NTRK3: variants seen among roughly 807,000 people sequenced by gnomAD.
NTRK3 encodes neurotrophic receptor tyrosine kinase 3, also known as NT-3 growth factor receptor.
In NTRK3, 24 loss-of-function variants were observed where a neutral mutation model predicts 91.7. The observed-to-expected ratio is 0.26, with a 90% CI of 0.19 to 0.37. The LOEUF is 0.37. Among genes scored for constraint, NTRK3 ranks in the 10% least tolerant of loss-of-function variants. The pLI, the probability that NTRK3 is intolerant of heterozygous loss-of-function variation, is 1.00. For synonymous variants in NTRK3, 483 were observed against 404.0 expected (o/e 1.20, Z -2.34); for missense variants, 880 against 1,068.9 (o/e 0.82, Z 2.46).
intron 10 of NTRK3, among the ~76,000 whole-genome samples, chr15:88,134,418 T>A (rs1381026479): frequency 6.6e-6 from 1 of 152,248 alleles, no homozygotes; most frequent in Non-Finnish European, 1.5e-5. Context: ...CAATAATTTT[T>A]CCTGGTCCAC....
chr15:88,201,569 G>A (rs959050137), intron 3 of NTRK3, among the ~76,000 whole-genome samples: 1 of 152,196 alleles, frequency 6.6e-6, no homozygotes, highest in Non-Finnish European at 1.5e-5. Context: ...ACATGCTACA[G>A]GAGTGCAGAG....
At chr15:88,089,458 G>A (rs1244216811) in intron 13 of NTRK3, among the ~76,000 whole-genome samples, 1 of 152,186 alleles carries the variant, frequency 6.6e-6, no homozygotes, top group East Asian at 1.9e-4. Context: ...GTCTAACATG[G>A]CAGATTAATT....
chr15:87,881,476 G>A (rs962540972), intron 17 of NTRK3, among the ~76,000 whole-genome samples: 20 of 151,956 alleles, frequency 1.3e-4, no homozygotes, highest in Non-Finnish European at 1.3e-4. Flanking sequence ...CTGGAGTGCA[G>A]TGGCGCGATC....
chr15:88,159,145 C>T (rs2044202391), intron 5 of NTRK3, among the ~76,000 whole-genome samples: 1 of 152,146 alleles, frequency 6.6e-6, no homozygotes, highest in African/African-American at 2.4e-5. Context: ...CATTCCTGTT[C>T]ATTACTTTTT....
chr15:88,060,743 A>G (rs2142468501), intron 13 of NTRK3, among the ~76,000 whole-genome samples: 1 of 152,300 alleles, frequency 6.6e-6, no homozygotes, highest in South Asian at 2.1e-4. Flanking sequence ...GTAGAAGTGG[A>G]AGCAAGAAGC....
intron 14 of NTRK3, among the ~76,000 whole-genome samples, chr15:87,966,526 C>G (rs2072810644): frequency 1.3e-5 from 2 of 152,206 alleles, no homozygotes; most frequent in Admixed American, 6.5e-5. Flanking sequence ...GCCTGCAACT[C>G]CATCTTCCTC....
chr15:88,186,391 G>A (rs971042768), intron 3 of NTRK3, among the ~76,000 whole-genome samples: 14 of 152,156 alleles, frequency 9.2e-5, no homozygotes, highest in African/African-American at 2.9e-4. Context: ...CCTGACTTAG[G>A]CAAGCACTGA....
intron 14 of NTRK3, among the ~76,000 whole-genome samples, chr15:88,028,062 G>T (rs1209989159): frequency 6.6e-6 from 1 of 152,084 alleles, no homozygotes; most frequent in African/African-American, 2.4e-5. Flanking sequence ...GGGAAAATGG[G>T]CATTTCAAGG....
intron 3 of NTRK3, among the ~76,000 whole-genome samples, chr15:88,232,790 G>A (rs1324543064): frequency 2.0e-5 from 3 of 152,208 alleles, no homozygotes; most frequent in African/African-American, 7.2e-5. Context: ...CAGGCCTTCA[G>A]TGACAACATA....
chr15:88,111,839 T>C (rs977250655), intron 13 of NTRK3, among the ~76,000 whole-genome samples: 1 of 152,132 alleles, frequency 6.6e-6, no homozygotes, highest in African/African-American at 2.4e-5. Flanking sequence ...AATTTGCTAC[T>C]ATTTGGTTGA....
chr15:88,252,236 C>A (rs1307079944), intron 3 of NTRK3, among the ~76,000 whole-genome samples: 2 of 152,044 alleles, frequency 1.3e-5, no homozygotes, highest in African/African-American at 4.8e-5. Context: ...CCCCATGATG[C>A]CTTTGGGGCC....
intron 3 of NTRK3, among the ~76,000 whole-genome samples, chr15:88,225,086 G>A (rs1035650965): frequency 6.6e-6 from 1 of 152,210 alleles, no homozygotes; most frequent in Non-Finnish European, 1.5e-5. Context: ...CGGGAAAGAT[G>A]ATGTTTCTCA....
rs185294693 is a variant in NTRK3 at position 87,864,735 on chromosome 15, A to C, written c.*12200T>G. The stretch of plus-strand genomic sequence containing the variant: ...AAATGCTAATGGCAAAACTTCTAAA[A>C]AACAGACACCAGCAAAAATTTAAGG... On this transcript the variant is annotated 3_prime_UTR_variant, in exon 19 of 19. Transcript: ENST00000394480. 2.0e-3 allele frequency: 449 copies of C among 229,598 alleles called. 2 individuals are homozygous for C. Among genetic ancestry groups the C allele is most frequent in the African/African-American group, 9.0e-3 (409 of 45,238 alleles). The allele number at this position is 229,598 out of a possible 1,614,324, so 14.2% of individuals were successfully genotyped here. A position where few individuals can be genotyped will look rare whatever the true frequency, so the allele number is the denominator to read the frequency against.
At chr15:87,926,454 G>A (rs1384791008) in intron 17 of NTRK3, among the ~76,000 whole-genome samples, 2 of 152,118 alleles carry the variant, frequency 1.3e-5, no homozygotes, top group African/African-American at 4.8e-5. Flanking sequence ...GAGCTAGCTG[G>A]CCTTGGCTAA....
chr15:88,201,599 C>T (rs964326442), intron 3 of NTRK3, among the ~76,000 whole-genome samples: 1 of 152,140 alleles, frequency 6.6e-6, no homozygotes, highest in Non-Finnish European at 1.5e-5. Context: ...TGCAAATGAT[C>T]CCTGAGGAAA....
chr15:88,221,314 CTT>C (rs2050215616), intron 3 of NTRK3, among the ~76,000 whole-genome samples: 2 of 152,188 alleles, frequency 1.3e-5, no homozygotes, highest in Admixed American at 1.3e-4. Context: ...TGAATCCTAG[CTT>C]TTCTTCACTT....
chr15:88,028,365 A>G (rs935638380), intron 14 of NTRK3, among the ~76,000 whole-genome samples: 1 of 152,190 alleles, frequency 6.6e-6, no homozygotes, highest in South Asian at 2.1e-4. Flanking sequence ...ACAAAAGGGG[A>G]AAAATCAGCA....
At chr15:88,076,819 G>T (rs2047589811) in intron 13 of NTRK3, among the ~76,000 whole-genome samples, 1 of 152,148 alleles carries the variant, frequency 6.6e-6, no homozygotes. Flanking sequence ...GAGGCTGGGT[G>T]CAGTGGCTCA....
At chr15:87,866,117 G>C (rs558687808) in exon 19 of NTRK3, 227 of 227,340 alleles carry the variant, frequency 1.0e-3, no homozygotes, top group African/African-American at 4.7e-3. Flanking sequence ...GCAGGGGGTT[G>C]ATAGTAGTTC....
Sources: gnomAD v4.1 joint callset for allele counts (sites outside exome capture counted in the v4.1 genomes callset) on GRCh38, gnomAD v4.1.1 for gene constraint, MANE v1.5 for transcripts, NCBI Gene and HGNC (gene_info 2026-07-23, HGNC 2026-07-21) for gene names.